TRAM1: variants seen among roughly 807,000 people sequenced by gnomAD.
TRAM1 encodes translocating chain-associated membrane protein 1.
TRAM1 carries 17 observed loss-of-function variants against 48.7 expected under a neutral mutation model. The ratio of observed to expected loss-of-function variants is 0.35; its 90% CI spans 0.24 to 0.52. The LOEUF (loss-of-function observed/expected upper bound fraction) is 0.52, where lower values mean the gene tolerates loss of function less well. TRAM1 is among the 20% of genes least tolerant of loss of function. The pLI is 0.94. For synonymous variants in TRAM1, 182 were observed against 154.0 expected, an observed-to-expected ratio of 1.18 and a Z score of -1.34; for missense variants, 351 against 441.5, an observed-to-expected ratio of 0.79 and a Z score of 1.84.
chr8:70,598,291 T>C (rs1817534349), intron 2 of TRAM1, 36 bp from the exon 3 acceptor site: 3 of 1,565,040 alleles, frequency 1.9e-6, no homozygotes, highest in Non-Finnish European at 8.7e-7. Flanking sequence ...CACAAAAATA[T>C]ACACAAGGTT....
rs117262161 is a variant in TRAM1 at position 70,593,760 on chromosome 8, C to T, written c.570+746G>A. On this transcript the variant is annotated intron_variant, in intron 6 of 10. Coordinates refer to ENST00000262213, the MANE Select transcript of TRAM1 (RefSeq NM_014294.6). Reference sequence around the variant, plus strand: ...AGGAGTAAGCAGAGAAAGAGGTCCCCGAGAAAAGATGGTGGCGATGGGAGA... The same window carrying T: ...AGGAGTAAGCAGAGAAAGAGGTCCCTGAGAAAAGATGGTGGCGATGGGAGA... 7.2e-5 allele frequency among the ~76,000 whole-genome samples: 11 copies of T among 151,978 alleles called. No homozygotes were observed. The East Asian group carries it at 1.4e-3, about 19-fold the overall frequency.
Position 70,596,328 on chromosome 8 carries a change from A to T in TRAM1, c.427-7T>A. On this transcript the variant is annotated splice_polypyrimidine_tract_variant and splice_region_variant and intron_variant, in intron 4 of 10. Coordinates refer to ENST00000262213, the MANE Select transcript of TRAM1 (RefSeq NM_014294.6). Reference sequence around the variant, plus strand: ...GGTCTGAGATGTAGTTTTCCTAAGAAAGAAGATATAAAAATTAACCTGTGA... The same window carrying T: ...GGTCTGAGATGTAGTTTTCCTAAGATAGAAGATATAAAAATTAACCTGTGA... 1 of 1,588,956 alleles carries T rather than the reference A, an allele frequency of 6.3e-7. No homozygotes were observed. Among genetic ancestry groups the T allele is most frequent in the Non-Finnish European group, 8.6e-7 (1 of 1,169,124 alleles).
intron 6 of TRAM1, among the ~76,000 whole-genome samples, chr8:70,593,866 A>G (rs1817423320): frequency 1.3e-5 from 2 of 152,182 alleles, no homozygotes; most frequent in African/African-American, 4.8e-5. Flanking sequence ...GGGAGAGGGT[A>G]AAGAAAACGA....
At chr8:70,598,349 A>C in intron 2 of TRAM1, 94 bp from the exon 3 acceptor site, 1 of 1,285,734 alleles carries the variant, frequency 7.8e-7, no homozygotes, top group Non-Finnish European at 1.0e-6. Context: ...AAAGAAGAAT[A>C]ACCTAATAAA....
chr8:70,584,032 A>G (rs1410170372), intron 8 of TRAM1, among the ~76,000 whole-genome samples: 1 of 152,090 alleles, frequency 6.6e-6, no homozygotes, highest in Non-Finnish European at 1.5e-5. Context: ...AAATAAATAA[A>G]TAAAGAAGAA....
At position 70,604,784 on chromosome 8, in the gene TRAM1, AAT is replaced by A. The variant is rs201224353; in HGVS notation, c.123+3291_123+3292del. Among the ~76,000 whole-genome samples the A allele has an allele frequency of 8.4e-3, 1,274 of 152,292 alleles. 18 individuals carry two copies. The highest frequency in any genetic ancestry group is 0.029 in the African/African-American group (1,207 of 41,566). ...TTCCTTTTGAATATATTTCCTTTTG[AAT>A]ATCTTTCCTTTATACACTCCTTAAA... On this transcript the variant is annotated intron_variant, in intron 1 of 10. Transcript: ENST00000262213.
chr8:70,574,892 AG>A lies in TRAM1; in HGVS notation c.*39del. The A allele has an allele frequency of 7.5e-7, 1 of 1,338,822 alleles. No individual in the cohort carries two copies. Among genetic ancestry groups the A allele is most frequent in the Non-Finnish European group, 1.1e-6 (1 of 937,926 alleles). 82.9% of individuals were successfully genotyped at this position (1,338,822 alleles called of 1,614,324 possible). On this transcript the variant is annotated 3_prime_UTR_variant, in exon 11 of 11. Coordinates refer to ENST00000262213, the MANE Select transcript of TRAM1 (RefSeq NM_014294.6). ...AATGCTGAAAGATATAGTAGAAAGC[AG>A]ATTTCTTTGGGGACATTAATCAATT...
At chr8:70,607,665 G>T in intron 1 of TRAM1, 1 of 196,266 alleles carries the variant, frequency 5.1e-6, no homozygotes, top group Non-Finnish European at 9.1e-6. Context: ...GAGGCTGGCA[G>T]TCCCCCCAAG....
chr8:70,583,144 A>G lies in TRAM1; in HGVS notation c.1051+20T>C. On this transcript the variant is annotated intron_variant, in intron 10 of 10. Transcript: ENST00000262213. ...AGTTTTCTACTTCCATGAGTTTTTC[A>G]TTGCTTACTGAATACAAACCTGTTC... 1 of 1,590,638 alleles carries G rather than the reference A, an allele frequency of 6.3e-7. No individual in the cohort carries two copies. Among genetic ancestry groups the G allele is most frequent in the Non-Finnish European group, 8.5e-7 (1 of 1,170,792 alleles).
Position 70,583,549 on chromosome 8 carries a change from C to T in TRAM1, c.890+101G>A, listed in dbSNP as rs182553247. 173 of 1,467,732 alleles carry T rather than the reference C, an allele frequency of 1.2e-4. No homozygotes were observed. The African/African-American group carries it at 2.0e-3, about 17-fold the overall frequency. 90.9% of individuals were successfully genotyped at this position (1,467,732 alleles called of 1,614,324 possible). On this transcript the variant is annotated intron_variant, in intron 9 of 10. Coordinates refer to ENST00000262213, the MANE Select transcript of TRAM1 (RefSeq NM_014294.6). The stretch of plus-strand genomic sequence containing the variant: ...AATAAAATCAAATGAGTATTTTCCC[C>T]AACCTCATATTCATCCTTTTTTAGA...
intron 10 of TRAM1, among the ~76,000 whole-genome samples, chr8:70,577,042 G>A (rs548105916): frequency 3.4e-4 from 52 of 152,312 alleles, no homozygotes; most frequent in African/African-American, 1.2e-3. Flanking sequence ...ACAACGTGGC[G>A]AGCAGGGGGA....
chr8:70,589,467 T>C (rs1025283588), intron 6 of TRAM1, among the ~76,000 whole-genome samples: 3 of 152,198 alleles, frequency 2.0e-5, no homozygotes, highest in African/African-American at 7.2e-5. Flanking sequence ...ATGCCAGTGT[T>C]TCCCAGTGTG....
intron 10 of TRAM1, among the ~76,000 whole-genome samples, chr8:70,579,783 G>A (rs1373121714): frequency 1.3e-5 from 2 of 152,198 alleles, no homozygotes; most frequent in East Asian, 3.9e-4. Flanking sequence ...TCTTATATGA[G>A]GAACAAGAGT....
At chr8:70,578,895 C>T (rs1817016523) in intron 10 of TRAM1, among the ~76,000 whole-genome samples, 2 of 152,188 alleles carry the variant, frequency 1.3e-5, no homozygotes, top group African/African-American at 2.4e-5. Context: ...ATGGTCTCCC[C>T]TTATTTGCAG....
intron 8 of TRAM1, among the ~76,000 whole-genome samples, chr8:70,584,967 A>G (rs1362259769): frequency 3.9e-5 from 6 of 152,318 alleles, no homozygotes; most frequent in Admixed American, 3.9e-4. Flanking sequence ...AGCTCGCATC[A>G]CCAAGTCAAT....
Position 70,598,916 on chromosome 8 carries a change from C to T in TRAM1, c.188-661G>A, listed in dbSNP as rs114495332. Among the ~76,000 whole-genome samples, 470 of 152,218 alleles carry T rather than the reference C, an allele frequency of 3.1e-3. 3 individuals are homozygous for T. The highest frequency in any genetic ancestry group is 0.011 in the African/African-American group (451 of 41,538). On this transcript the variant is annotated intron_variant, in intron 2 of 10. Transcript: ENST00000262213. ...AAAACAGTATTGTAGTTTTGAGTAA[C>T]CTGATAACTAAATCACTAAATTAAA...
At chr8:70,600,500 GGT>G (rs1418715435) in intron 1 of TRAM1, among the ~76,000 whole-genome samples, 1 of 152,092 alleles carries the variant, frequency 6.6e-6, no homozygotes, top group East Asian at 1.9e-4. Flanking sequence ...CTGTGGTGTG[GGT>G]GTGTTAGTAT....
chr8:70,590,293 C>A (rs1045278742), intron 6 of TRAM1, among the ~76,000 whole-genome samples: 8 of 151,712 alleles, frequency 5.3e-5, no homozygotes, highest in Non-Finnish European at 8.8e-5. Context: ...CTACTCTTTT[C>A]TTCTCTGACA....
Position 70,583,559 on chromosome 8 carries a change from T to C in TRAM1, c.890+91A>G, listed in dbSNP as rs573793648. On this transcript the variant is annotated intron_variant, in intron 9 of 10. Transcript: ENST00000262213. ...AATGAGTATTTTCCCCAACCTCATA[T>C]TCATCCTTTTTTAGATGATTCAATG... 3.3e-5 allele frequency: 50 copies of C among 1,503,128 alleles called. No individual in the cohort carries two copies. In the Admixed American group the frequency reaches 1.1e-3, roughly 33 times the overall value. 93.1% of individuals were successfully genotyped at this position (1,503,128 alleles called of 1,614,324 possible). A position where few individuals can be genotyped will look rare whatever the true frequency, so the allele number is the denominator to read the frequency against.
Sources: allele counts gnomAD v4.1 joint callset (sites outside exome capture counted in the v4.1 genomes callset), GRCh38; gene constraint gnomAD v4.1.1; transcripts MANE v1.5; gene names NCBI Gene and HGNC (gene_info 2026-07-23, HGNC 2026-07-21).